Variants in FOCAD observed in about 807,000 individuals in gnomAD.
The protein encoded by FOCAD is focadhesin.
A neutral mutation model predicts 225.6 loss-of-function variants in FOCAD; 198 were observed. That is an observed-to-expected ratio of 0.88 (90% CI 0.78 to 0.99). The LOEUF (loss-of-function observed/expected upper bound fraction) is 0.99. FOCAD is among the 50% of genes least tolerant of loss of function. The pLI is 0.00. For synonymous variants in FOCAD, 897 were observed against 755.0 expected, an observed-to-expected ratio of 1.19 and a Z score of -3.08; for missense variants, 2,713 against 2,123.6, an observed-to-expected ratio of 1.28 and a Z score of -5.46.
At chr9:20,850,847 G>A (rs1310072461) in intron 15 of FOCAD, among the ~76,000 whole-genome samples, 1 of 147,894 alleles carries the variant, frequency 6.8e-6, no homozygotes, top group Non-Finnish European at 1.5e-5. Flanking sequence ...TCTATATCTA[G>A]TATGAAACTT....
chr9:20,822,273 T>C (rs1018467255), intron 14 of FOCAD, among the ~76,000 whole-genome samples: 9 of 152,132 alleles, frequency 5.9e-5, no homozygotes, highest in Admixed American at 5.9e-4. Flanking sequence ...TGTGGGACAG[T>C]GAAACAATAG....
rs1204821646 is a variant in FOCAD at position 20,820,898 on chromosome 9, C to G, written c.1663-43C>G. ...TAAAAGGAAGATAATGATTATTCAA[C>G]TCAAGTTGGGAAACTACCTTTTTTG... On this transcript the variant is annotated intron_variant, in intron 13 of 43. Transcript: ENST00000338382. The G allele has an allele frequency of 2.5e-6, 4 of 1,597,790 alleles. No homozygotes were observed. In the African/African-American group the frequency reaches 4.0e-5, roughly 16 times the overall value.
Position 20,848,374 on chromosome 9 carries a change from C to T in FOCAD, c.1921-14204C>T, listed in dbSNP as rs545323291. ...CCTCTCTGGAATAGAGGTCTCATGGCCTACAGTCAATAACGTAGGTCAGGT... is the reference window on the plus strand; with the variant it reads ...CCTCTCTGGAATAGAGGTCTCATGGTCTACAGTCAATAACGTAGGTCAGGT... On this transcript the variant is annotated intron_variant, in intron 15 of 43. Transcript: ENST00000338382. Among the ~76,000 whole-genome samples the T allele has an allele frequency of 2.6e-5, 4 of 152,084 alleles. No homozygotes were observed. The East Asian group carries it at 7.7e-4, about 29-fold the overall frequency.
chr9:20,821,114 T>C (rs1316240518), intron 14 of FOCAD, 43 bp downstream of exon 14: 1 of 1,550,232 alleles, frequency 6.5e-7, no homozygotes, highest in East Asian at 2.3e-5. Flanking sequence ...CATGATATAT[T>C]ATTTTGTATT....
intron 35 of FOCAD, among the ~76,000 whole-genome samples, chr9:20,962,900 G>GA (rs1382121122): frequency 1.3e-5 from 2 of 152,036 alleles, no homozygotes; most frequent in African/African-American, 4.8e-5. Flanking sequence ...TATAATAAAG[G>GA]AACTGATCAT....
chr9:20,848,177 T>TGTTG (rs33977311), intron 15 of FOCAD, among the ~76,000 whole-genome samples: 7 of 23,338 alleles, frequency 3.0e-4, no homozygotes, highest in African/African-American at 5.3e-4. Flanking sequence ...AGAAACAGTC[T>TGTTG]GTATGCTTAG....
intron 3 of FOCAD, 47 bp downstream of exon 3, chr9:20,717,915 A>G (rs1825467870): frequency 6.9e-7 from 1 of 1,457,666 alleles, no homozygotes; most frequent in Non-Finnish European, 9.6e-7. Flanking sequence ...TAAGATTGCT[A>G]CTAGCTGGAT....
At chr9:20,792,832 T>C (rs905969792) in intron 11 of FOCAD, among the ~76,000 whole-genome samples, 2 of 152,206 alleles carry the variant, frequency 1.3e-5, no homozygotes, top group African/African-American at 4.8e-5. Context: ...AAAAGTCATA[T>C]ATTATCAAAT....
At chr9:20,794,225 A>G (rs1438515158) in intron 11 of FOCAD, among the ~76,000 whole-genome samples, 1 of 152,190 alleles carries the variant, frequency 6.6e-6, no homozygotes, top group East Asian at 1.9e-4. Flanking sequence ...AGCAGGAGGT[A>G]ATGTCCTAAG....
chr9:20,742,625 A>T (rs1310574724), intron 5 of FOCAD, among the ~76,000 whole-genome samples: 1 of 152,240 alleles, frequency 6.6e-6, no homozygotes, highest in African/African-American at 2.4e-5. Flanking sequence ...ATCAGTTTAG[A>T]TGATGGTAAA....
At position 20,907,210 on chromosome 9, in the gene FOCAD, T is replaced by C; in HGVS notation, c.2686T>C (p.Tyr896His). 1 of 1,613,328 alleles carries C rather than the reference T, an allele frequency of 6.2e-7. No homozygotes were observed. Among genetic ancestry groups the C allele is most frequent in the Non-Finnish European group, 8.5e-7 (1 of 1,179,520 alleles). Residue 896 changes from tyrosine (Y) to histidine (H), a missense_variant, in exon 22 of 44, where the codon TAC becomes CAC. Tyr to His is a moderately conservative substitution (Grantham distance 83, BLOSUM62 2). Transcript: ENST00000338382. ...AIFLPQAWLA[Y>H]MNRAYHAILQ... ...TTTTCTTCCACAGGCCTGGCTTGCATACATGAATCGAGCTTATCATGCCAT... is the reference window on the plus strand; with the variant it reads ...TTTTCTTCCACAGGCCTGGCTTGCACACATGAATCGAGCTTATCATGCCAT...
intron 18 of FOCAD, among the ~76,000 whole-genome samples, chr9:20,870,498 G>A (rs1156360534): frequency 6.6e-6 from 1 of 152,164 alleles, no homozygotes; most frequent in African/African-American, 2.4e-5. Flanking sequence ...TGGACTTAAC[G>A]ATTTTTCAAC....
intron 11 of FOCAD, among the ~76,000 whole-genome samples, chr9:20,812,681 C>T (rs1823218248): frequency 6.6e-6 from 1 of 152,032 alleles, no homozygotes; most frequent in South Asian, 2.1e-4. Context: ...CTTATGTTTG[C>T]TGTTACTCTG....
chr9:20,726,857 A>G (rs1826238411), intron 4 of FOCAD, among the ~76,000 whole-genome samples: 1 of 152,072 alleles, frequency 6.6e-6, no homozygotes, highest in African/African-American at 2.4e-5. Context: ...TACATTATTG[A>G]AGCTTTTCTG....
chr9:20,816,128 C>G (rs10964729), intron 11 of FOCAD, among the ~76,000 whole-genome samples: 54,699 of 151,894 alleles, frequency 0.36, 10,119 homozygotes, highest in East Asian at 0.47. Context: ...AGGGCCAAGT[C>G]TCATAAAGGA....
intron 4 of FOCAD, among the ~76,000 whole-genome samples, chr9:20,721,573 G>A (rs1346754861): frequency 3.3e-5 from 5 of 151,968 alleles, no homozygotes; most frequent in African/African-American, 9.7e-5. Context: ...GTGGTGATGC[G>A]TGCCTGTAAT....
chr9:20,862,906 G>T, intron 16 of FOCAD, 194 bp downstream of exon 16: 2 of 418,918 alleles, frequency 4.8e-6, no homozygotes, highest in Non-Finnish European at 4.0e-6. Context: ...TTACATAAAG[G>T]ATACCAACTT....
At chr9:20,948,245 A>G in intron 30 of FOCAD, 26 bp from the exon 31 acceptor site, 1 of 1,552,194 alleles carries the variant, frequency 6.4e-7, no homozygotes, top group Non-Finnish European at 8.7e-7. Context: ...TCTTTTTCTT[A>G]CCCCATTTTT....
At chr9:20,974,272 C>G (rs1314267820) in intron 35 of FOCAD, among the ~76,000 whole-genome samples, 2 of 142,280 alleles carry the variant, frequency 1.4e-5, no homozygotes, top group African/African-American at 5.5e-5. Flanking sequence ...TTTGCTGTCT[C>G]TGCCCTACTT....
Sources: gnomAD v4.1 joint callset for allele counts (sites outside exome capture counted in the v4.1 genomes callset) on GRCh38, gnomAD v4.1.1 for gene constraint, MANE v1.5 for transcripts, NCBI Gene and HGNC (gene_info 2026-07-23, HGNC 2026-07-21) for gene names.